VWA8: variants seen among roughly 807,000 people sequenced by gnomAD.
VWA8 encodes the protein von Willebrand factor A domain containing 8.
Under a neutral mutation model 241.5 loss-of-function variants are expected in VWA8, and 221 were observed. The observed-to-expected ratio is 0.91, with a 90% CI of 0.82 to 1.02. The LOEUF (loss-of-function observed/expected upper bound fraction) is 1.02, where lower values mean the gene tolerates loss of function less well. Among genes scored for constraint, VWA8 ranks in the 50% least tolerant of loss-of-function variants. VWA8 has a pLI of 0.00. For synonymous variants in VWA8, 852 were observed against 827.1 expected (o/e 1.03, Z -0.52); for missense variants, 2,322 against 2,328.7 (o/e 1.00, Z 0.06).
At chr13:41,740,710 T>A (rs964368406) in intron 21 of VWA8, among the ~76,000 whole-genome samples, 2 of 152,192 alleles carry the variant, frequency 1.3e-5, no homozygotes, top group Non-Finnish European at 2.9e-5. Flanking sequence ...TTTAGAGATA[T>A]CACACAGCTT....
chr13:41,586,060 T>C (rs2044415918), intron 42 of VWA8, among the ~76,000 whole-genome samples: 1 of 151,872 alleles, frequency 6.6e-6, no homozygotes, highest in South Asian at 2.1e-4. Context: ...AAAAATTCTT[T>C]AGTCATCAAT....
Position 41,689,454 on chromosome 13 carries a change from T to C in VWA8, c.4031A>G (p.His1344Arg). ...KISSDQLSSE[H>R]LSSAVEQKIA... The stretch of plus-strand genomic sequence containing the variant: ...CTTTTGTTCCACAGCTGAACTTAGA[T>C]GTTCAGATGATAGTTGATCACTGGA... The change falls in exon 34 of 45, where the codon CAT (histidine) becomes CGT (arginine). Residue 1344 changes from histidine to arginine, a missense_variant. By Grantham distance (29) the His-to-Arg change is conservative. Transcript: ENST00000379310. 1 of 1,611,934 alleles carries C rather than the reference T, an allele frequency of 6.2e-7. No homozygotes were observed. Among genetic ancestry groups the C allele is most frequent in the Non-Finnish European group, 8.5e-7 (1 of 1,179,052 alleles).
In VWA8 at chr13:41,701,529, C is replaced by G; in HGVS notation, c.3227G>C (p.Gly1076Ala). 1 of 1,559,478 alleles carries G rather than the reference C, an allele frequency of 6.4e-7. No individual in the cohort carries two copies. The highest frequency in any genetic ancestry group is 8.6e-7 in the Non-Finnish European group (1 of 1,159,038). Reference sequence around the variant, plus strand: ...CTCCTGTATATTTATAAGTGCTGGACCCTATAATAAAGCAGTTATCTCAGT... The same window carrying G: ...CTCCTGTATATTTATAAGTGCTGGAGCCTATAATAAAGCAGTTATCTCAGT... ...PVETHHIDIK[G>A]PALINIQEYP... is the part of the protein sequence containing the mutation. The change falls in exon 28 of 45, where the codon GGT becomes GCT. Residue 1076 changes from glycine (G) to alanine (A), a missense_variant and splice_region_variant. By Grantham distance (60) the Gly-to-Ala change is moderately conservative. Coordinates refer to ENST00000379310, the MANE Select transcript of VWA8 (RefSeq NM_015058.2).
At chr13:41,886,511 A>G (rs1874546322) in intron 7 of VWA8, among the ~76,000 whole-genome samples, 1 of 152,204 alleles carries the variant, frequency 6.6e-6, no homozygotes, top group Non-Finnish European at 1.5e-5. Flanking sequence ...AAGCCCTTAT[A>G]AAGTCTCAAC....
intron 37 of VWA8, 82 bp from the exon 38 acceptor site, chr13:41,615,166 C>T (rs2044613382): frequency 7.1e-7 from 1 of 1,404,508 alleles, no homozygotes; most frequent in Non-Finnish European, 9.8e-7. Flanking sequence ...ATTATTTTCT[C>T]CTAAGTCCTT....
chr13:41,768,816 A>G (rs746089224), intron 20 of VWA8, among the ~76,000 whole-genome samples: 1 of 152,110 alleles, frequency 6.6e-6, no homozygotes, highest in African/African-American at 2.4e-5. Flanking sequence ...TTCCTCTTTC[A>G]AAGAGACTTA....
intron 15 of VWA8, among the ~76,000 whole-genome samples, chr13:41,818,808 A>G (rs1870817422): frequency 6.6e-6 from 1 of 152,180 alleles, no homozygotes; most frequent in Non-Finnish European, 1.5e-5. Context: ...AACTTAAAAT[A>G]GTCACTTTTC....
At chr13:41,881,882 G>A (rs1317559585) in intron 9 of VWA8, among the ~76,000 whole-genome samples, 28 of 148,872 alleles carry the variant, frequency 1.9e-4, no homozygotes, top group African/African-American at 5.9e-4. Flanking sequence ...CCTCCCGGAC[G>A]GGGCGGCTGG....
rs943890453 is a variant in VWA8, at chr13:41,787,287, G to A, written c.2170+150C>T. 4.2e-5 allele frequency: 25 copies of A among 589,338 alleles called. No homozygotes were observed. In the East Asian group the frequency reaches 7.7e-4, roughly 18 times the overall value. 36.5% of individuals were successfully genotyped at this position (589,338 alleles called of 1,614,324 possible). A position where few individuals can be genotyped will look rare whatever the true frequency, so the allele number is the denominator to read the frequency against. ...GTGTTTTTCAAACTTAAAAAAATCAGATTCATTTCTTCAAACTAATATATA... is the reference window on the plus strand; with the variant it reads ...GTGTTTTTCAAACTTAAAAAAATCAAATTCATTTCTTCAAACTAATATATA... On this transcript the variant is annotated intron_variant, in intron 18 of 44. Transcript: ENST00000379310.
rs938205585 is a variant in VWA8, at chr13:41,587,622, C to T, written c.5161G>A (p.Val1721Met). The T allele has an allele frequency of 7.1e-5, 115 of 1,614,130 alleles. No individual in the cohort carries two copies. Among genetic ancestry groups the T allele is most frequent in the Non-Finnish European group, 9.3e-5 (110 of 1,180,054 alleles). The change falls in exon 42 of 45, where the codon GTG becomes ATG. Residue 1721 changes from valine (V) to methionine (M), a missense_variant. Val to Met is a conservative substitution (Grantham distance 21, BLOSUM62 1). Transcript: ENST00000379310. ...TTGAAACGGTACATGCTACCAGACA[C>T]ATCTACCACCAGGCGCAGACGCTTG... ...KPKRLRLVVD[V>M]SGSMYRFNRM...
chr13:41,794,544 GGGATTTTCTAGAAATA>G (rs1227631553), intron 17 of VWA8, among the ~76,000 whole-genome samples: 1 of 152,290 alleles, frequency 6.6e-6, no homozygotes, highest in East Asian at 1.9e-4. Flanking sequence ...CTGAGACAAT[GGGATTTTCTAGAAATA>G]GGATCATGTC....
chr13:41,849,565 A>T (rs921532261), intron 12 of VWA8, among the ~76,000 whole-genome samples: 3 of 152,154 alleles, frequency 2.0e-5, no homozygotes, highest in Non-Finnish European at 2.9e-5. Context: ...TAAGACTCCT[A>T]ATCAAAATTA....
At position 41,691,310 on chromosome 13, in the gene VWA8, A is replaced by T; in HGVS notation, c.3866+10T>A. The stretch of plus-strand genomic sequence containing the variant: ...ACATACTCCATGATACACTATATAA[A>T]GCCACTCACTGATTTGTTTTGCTCT... On this transcript the variant is annotated intron_variant, in intron 32 of 44. Coordinates refer to ENST00000379310, the MANE Select transcript of VWA8 (RefSeq NM_015058.2). 6.2e-7 allele frequency: 1 copy of T among 1,611,466 alleles called. No individual in the cohort carries two copies. Among genetic ancestry groups the T allele is most frequent in the Non-Finnish European group, 8.5e-7 (1 of 1,178,234 alleles).
chr13:41,818,589 A>T (rs1201356186), intron 15 of VWA8, among the ~76,000 whole-genome samples: 1 of 152,070 alleles, frequency 6.6e-6, no homozygotes, highest in African/African-American at 2.4e-5. Flanking sequence ...TAATAGTAAT[A>T]ATTTAACATG....
At chr13:41,804,307 G>A (rs1289437986) in intron 17 of VWA8, among the ~76,000 whole-genome samples, 2 of 152,142 alleles carry the variant, frequency 1.3e-5, no homozygotes, top group African/African-American at 4.8e-5. Flanking sequence ...ACTAGGTTTG[G>A]CAGCTGACTT....
intron 34 of VWA8, among the ~76,000 whole-genome samples, chr13:41,688,230 C>T (rs781530339): frequency 6.6e-6 from 1 of 151,986 alleles, no homozygotes; most frequent in Non-Finnish European, 1.5e-5. Flanking sequence ...GATTTCAAAT[C>T]TTATATCCTG....
At chr13:41,937,112 C>T (rs1877386623) in intron 2 of VWA8, among the ~76,000 whole-genome samples, 1 of 152,106 alleles carries the variant, frequency 6.6e-6, no homozygotes, top group African/African-American at 2.4e-5. Flanking sequence ...ACCCTAGGAA[C>T]AATAGGCTGT....
intron 37 of VWA8, among the ~76,000 whole-genome samples, chr13:41,619,564 G>A (rs1217617447): frequency 6.6e-6 from 1 of 152,182 alleles, no homozygotes; most frequent in East Asian, 1.9e-4. Flanking sequence ...CAAAGGGAAT[G>A]CTTCCAGTTT....
intron 31 of VWA8, 141 bp downstream of exon 31, chr13:41,691,733 G>A: frequency 1.2e-5 from 9 of 742,190 alleles, no homozygotes; most frequent in Non-Finnish European, 2.0e-5. Flanking sequence ...TCAATATTCT[G>A]CAATGTGGGC....
Sources: allele counts gnomAD v4.1 joint callset (sites outside exome capture counted in the v4.1 genomes callset), GRCh38; gene constraint gnomAD v4.1.1; transcripts MANE v1.5; gene names NCBI Gene and HGNC (gene_info 2026-07-23, HGNC 2026-07-21).